Variants in EPB41 observed in about 807,000 individuals in gnomAD.
EPB41 encodes the protein protein 4.1.
A neutral mutation model predicts 108.0 loss-of-function variants in EPB41; 65 were observed. The ratio of observed to expected loss-of-function variants is 0.60; its 90% confidence interval spans 0.49 to 0.74. The LOEUF is 0.74. Among genes scored for constraint, EPB41 ranks in the 30% least tolerant of loss-of-function variants. The pLI is 0.00. For synonymous variants in EPB41, 336 were observed against 358.9 expected (o/e 0.94, Z 0.72); for missense variants, 875 against 1,037.0 (o/e 0.84, Z 2.15).
At chr1:29,011,839 G>GT in intron 4 of EPB41, 26 bp from the exon 5 acceptor site, 1 of 1,613,926 alleles carries the variant, frequency 6.2e-7, no homozygotes, top group African/African-American at 1.3e-5. Flanking sequence ...GGAGCTCTGT[G>GT]TGAATGCCTT....
intron 4 of EPB41, among the ~76,000 whole-genome samples, chr1:29,000,012 A>G (rs956737155): frequency 6.6e-6 from 1 of 151,644 alleles, no homozygotes. Flanking sequence ...CTGGTCTTGA[A>G]CTCCTGGGCT....
At chr1:29,033,676 AG>A (rs1638308990) in intron 9 of EPB41, among the ~76,000 whole-genome samples, 1 of 152,174 alleles carries the variant, frequency 6.6e-6, no homozygotes, top group African/African-American at 2.4e-5. Flanking sequence ...AGTGAGTTCT[AG>A]GGCCAAGTTC....
intron 4 of EPB41, among the ~76,000 whole-genome samples, chr1:29,002,247 G>C (rs993627185): frequency 6.6e-6 from 1 of 151,970 alleles, no homozygotes; most frequent in African/African-American, 2.4e-5. Context: ...TGGATCACTT[G>C]AGCCCAGGAG....
intron 1 of EPB41, among the ~76,000 whole-genome samples, chr1:28,947,592 C>T (rs1356355885): frequency 6.6e-6 from 1 of 151,894 alleles, no homozygotes; most frequent in East Asian, 1.9e-4. Flanking sequence ...TTTAGGAGGC[C>T]GAGGTGGGCG....
chr1:28,894,996 G>C (rs1470260503), intron 1 of EPB41, among the ~76,000 whole-genome samples: 1 of 152,160 alleles, frequency 6.6e-6, no homozygotes, highest in Admixed American at 6.5e-5. Flanking sequence ...CCTGGTGTGG[G>C]AGGAGCTGAG....
In EPB41 at chr1:28,960,821, T is replaced by A. The variant is rs571206377; in HGVS notation, c.-7-26610T>A. On this transcript the variant is annotated intron_variant, in intron 1 of 20. Transcript: ENST00000343067. ...GCCGAGGCGGGTGGATCACCTGAGG[T>A]GAGGAGTTCAAGACCAGCCTGGCCA... 2.6e-5 allele frequency among the ~76,000 whole-genome samples: 4 copies of A among 151,876 alleles called. No individual in the cohort carries two copies. The South Asian group carries it at 8.3e-4, about 32-fold the overall frequency.
intron 17 of EPB41, among the ~76,000 whole-genome samples, chr1:29,106,999 C>G (rs1205677472): frequency 6.6e-6 from 1 of 151,578 alleles, no homozygotes; most frequent in African/African-American, 2.4e-5. Flanking sequence ...GCCTGGCCAA[C>G]ATGGTGAAAC....
chr1:29,004,512 T>G (rs540321725), intron 4 of EPB41, among the ~76,000 whole-genome samples: 2 of 152,340 alleles, frequency 1.3e-5, no homozygotes, highest in South Asian at 4.1e-4. Flanking sequence ...AAAGGATTGA[T>G]TCTCATTGAT....
intron 1 of EPB41, among the ~76,000 whole-genome samples, chr1:28,974,930 G>A (rs1215753161): frequency 6.6e-6 from 1 of 152,046 alleles, no homozygotes; most frequent in African/African-American, 2.4e-5. Context: ...AAGTAGCTGG[G>A]ATTACAGGCA....
chr1:28,913,101 C>G (rs965239998), upstream of EPB41, among the ~76,000 whole-genome samples: 2 of 152,112 alleles, frequency 1.3e-5, no homozygotes, highest in Non-Finnish European at 2.9e-5. Flanking sequence ...CAGCCTCCCA[C>G]TATAGGTGGG....
At chr1:28,922,524 C>T (rs1013449586) in intron 1 of EPB41, among the ~76,000 whole-genome samples, 21 of 151,572 alleles carry the variant, frequency 1.4e-4, no homozygotes, top group African/African-American at 4.6e-4. Context: ...CCTTGAACTC[C>T]CGGGCACAAG....
chr1:29,112,308 C>CTT, intron 18 of EPB41, 60 bp from the exon 19 acceptor site: 1 of 1,401,338 alleles, frequency 7.1e-7, no homozygotes, highest in Non-Finnish European at 1.0e-6. Flanking sequence ...GCCTCTTTTT[C>CTT]TTTTTTTTTA....
Position 28,938,730 on chromosome 1 carries a change from G to A in EPB41, c.-8+23962G>A, listed in dbSNP as rs746242023. 3.3e-5 allele frequency among the ~76,000 whole-genome samples: 5 copies of A among 151,784 alleles called. No individual in the cohort carries two copies. The South Asian group carries it at 1.0e-3, about 32-fold the overall frequency. On this transcript the variant is annotated intron_variant, in intron 1 of 20. Transcript: ENST00000343067. ...AAATTTTTCTGAGAGACTAGGTTTC[G>A]CCATGTTGCCCAGGCTGGTCTCAAA...
chr1:29,036,992 G>A (rs536975152), intron 10 of EPB41, among the ~76,000 whole-genome samples: 1 of 151,160 alleles, frequency 6.6e-6, no homozygotes, highest in East Asian at 2.0e-4. Flanking sequence ...CCTTGAAGCT[G>A]ATTGTTAGCT....
At chr1:29,008,001 T>C (rs1489953972) in intron 4 of EPB41, among the ~76,000 whole-genome samples, 1 of 152,226 alleles carries the variant, frequency 6.6e-6, no homozygotes, top group Admixed American at 6.5e-5. Context: ...TTTCCAAAGA[T>C]ACTTTAAACA....
At chr1:29,024,236 G>A (rs2096685774) in intron 7 of EPB41, among the ~76,000 whole-genome samples, 1 of 151,922 alleles carries the variant, frequency 6.6e-6, no homozygotes, top group East Asian at 1.9e-4. Flanking sequence ...TCTGGAGGCT[G>A]AGGCAGGAGA....
At chr1:28,940,524 C>G (rs1013587054) in intron 1 of EPB41, among the ~76,000 whole-genome samples, 5 of 151,924 alleles carry the variant, frequency 3.3e-5, no homozygotes, top group African/African-American at 1.2e-4. Context: ...TGGTGGCGGG[C>G]GCCTGTAATC....
intron 1 of EPB41, among the ~76,000 whole-genome samples, chr1:28,940,704 G>A (rs558737522): frequency 1.4e-4 from 22 of 152,176 alleles, no homozygotes; most frequent in Admixed American, 1.2e-3. Flanking sequence ...TGGGGAAACT[G>A]TTCTAGACTG....
chr1:29,061,578 T>TTG (rs1553274296), intron 15 of EPB41, among the ~76,000 whole-genome samples: 1 of 133,780 alleles, frequency 7.5e-6, no homozygotes, highest in African/African-American at 2.8e-5. Context: ...CTTTGTTTTT[T>TTG]TTTTTTTTTT....
Sources: allele counts gnomAD v4.1 joint callset (sites outside exome capture counted in the v4.1 genomes callset), GRCh38; gene constraint gnomAD v4.1.1; transcripts MANE v1.5; gene names NCBI Gene and HGNC (gene_info 2026-07-23, HGNC 2026-07-21).